CDH12: variants seen among roughly 807,000 people sequenced by gnomAD.
CDH12 encodes the protein cadherin-12.
A neutral mutation model predicts 74.1 loss-of-function variants in CDH12; 41 were observed. That is an observed-to-expected ratio of 0.55 (90% CI 0.43 to 0.72). CDH12 has a LOEUF of 0.72. CDH12 is among the 30% of genes least tolerant of loss of function. The pLI is 0.00. For missense variants in CDH12, 945 were observed against 977.2 expected (o/e 0.97, Z 0.44); for synonymous variants, 399 against 355.0 (o/e 1.12, Z -1.39).
At chr5:22,493,985 G>C (rs1746997520) in intron 2 of CDH12, among the ~76,000 whole-genome samples, 1 of 152,134 alleles carries the variant, frequency 6.6e-6, no homozygotes, top group Non-Finnish European at 1.5e-5. Context: ...GCAGTGTTCA[G>C]GTGATCAGAT....
intron 3 of CDH12, among the ~76,000 whole-genome samples, chr5:22,257,394 TAAGA>T (rs1191005196): frequency 6.6e-6 from 1 of 151,974 alleles, no homozygotes; most frequent in African/African-American, 2.4e-5. Context: ...ATAAGGATAT[TAAGA>T]AAGAAAATAT....
At chr5:21,770,497 G>A (rs796718818) in intron 11 of CDH12, among the ~76,000 whole-genome samples, 9 of 151,778 alleles carry the variant, frequency 5.9e-5, no homozygotes, top group African/African-American at 1.9e-4. Flanking sequence ...GGTGGTGGGC[G>A]CCTGTAATCC....
At chr5:22,474,346 A>G (rs1327252887) in intron 2 of CDH12, among the ~76,000 whole-genome samples, 1 of 152,182 alleles carries the variant, frequency 6.6e-6, no homozygotes, top group Non-Finnish European at 1.5e-5. Context: ...ACATGATGTC[A>G]GGGGAGTCAA....
At chr5:22,529,186 TATAGAGAGAGAGAG>T (rs1372368700) in intron 1 of CDH12, among the ~76,000 whole-genome samples, 107 of 69,562 alleles carry the variant, frequency 1.5e-3, no homozygotes, top group African/African-American at 3.9e-3. Flanking sequence ...TATATATATA[TATAGAGAGAGAGAG>T]AGAGAGAGAG....
rs578252899 is a variant in CDH12, at chr5:22,132,340, G to A, written c.-186-53478C>T. ...AGTTTCGAATAGACCTGCAAACAGG[G>A]GGCCCTTGCTAGGAACTAGGGCAAA... On this transcript the variant is annotated intron_variant, in intron 4 of 14. Transcript: ENST00000382254. 1.3e-5 allele frequency among the ~76,000 whole-genome samples: 2 copies of A among 151,944 alleles called. 1 individual carries two copies. Among genetic ancestry groups the A allele is most frequent in the East Asian group, 3.9e-4 (2 of 5,138 alleles).
chr5:22,374,732 T>C (rs1057150283), intron 3 of CDH12, among the ~76,000 whole-genome samples: 3 of 151,446 alleles, frequency 2.0e-5, no homozygotes, highest in African/African-American at 7.3e-5. Context: ...TTAAAATAGC[T>C]AGGAATAAAT....
chr5:22,572,269 T>C (rs1003269871), intron 1 of CDH12, among the ~76,000 whole-genome samples: 11 of 152,300 alleles, frequency 7.2e-5, no homozygotes, highest in African/African-American at 2.6e-4. Context: ...TAAATTTTCC[T>C]TAAAATTTAA....
intron 6 of CDH12, among the ~76,000 whole-genome samples, 180 bp from the exon 7 acceptor site, chr5:21,854,970 T>C (rs945375603): frequency 2.0e-5 from 3 of 151,736 alleles, no homozygotes; most frequent in Non-Finnish European, 4.4e-5. Context: ...ATGATATAGT[T>C]AGTGCAAATC....
At chr5:22,134,436 A>G (rs1166642314) in intron 4 of CDH12, among the ~76,000 whole-genome samples, 1 of 151,998 alleles carries the variant, frequency 6.6e-6, no homozygotes, top group Non-Finnish European at 1.5e-5. Context: ...TGGGTGATCC[A>G]TCAGGTGAGT....
rs376071832 is a variant in CDH12, at chr5:22,807,840, A to G, written c.-523+45218T>C. ...AGTTCCTGAAGTTGCTCTGGGTGTC[A>G]GGAATGAATGATAAGTAAATGTGAA... On this transcript the variant is annotated intron_variant, in intron 1 of 14. Transcript: ENST00000382254. Among the ~76,000 whole-genome samples the G allele has an allele frequency of 2.0e-5, 3 of 152,340 alleles. No homozygotes were observed. The South Asian group carries it at 6.2e-4, about 32-fold the overall frequency.
At chr5:22,410,141 A>G (rs1743115744) in intron 2 of CDH12, among the ~76,000 whole-genome samples, 1 of 152,066 alleles carries the variant, frequency 6.6e-6, no homozygotes. Flanking sequence ...AAAGCCACAG[A>G]AGCAAAAGTT....
At chr5:22,747,025 T>C (rs1376813709) in intron 1 of CDH12, among the ~76,000 whole-genome samples, 1 of 152,194 alleles carries the variant, frequency 6.6e-6, no homozygotes, top group East Asian at 1.9e-4. Context: ...GAATTTCTCC[T>C]CTGTCTTCCA....
At chr5:22,314,525 C>T (rs913656665) in intron 3 of CDH12, among the ~76,000 whole-genome samples, 3 of 152,076 alleles carry the variant, frequency 2.0e-5, no homozygotes, top group African/African-American at 7.2e-5. Context: ...GATTTGGGTT[C>T]CCAAAACTGT....
chr5:22,443,163 G>A (rs1007150076), intron 2 of CDH12, among the ~76,000 whole-genome samples: 6 of 152,122 alleles, frequency 3.9e-5, no homozygotes, highest in African/African-American at 1.4e-4. Context: ...ATCAAAGTAA[G>A]AGTCTAGATA....
At chr5:22,215,541 C>T (rs897294797) in intron 3 of CDH12, among the ~76,000 whole-genome samples, 3 of 152,048 alleles carry the variant, frequency 2.0e-5, no homozygotes, top group Non-Finnish European at 2.9e-5. Context: ...TTTTAAAAAT[C>T]CCTTCTGCAA....
intron 4 of CDH12, among the ~76,000 whole-genome samples, chr5:22,112,936 A>G (rs1744895564): frequency 2.0e-5 from 3 of 152,164 alleles, no homozygotes; most frequent in Non-Finnish European, 2.9e-5. Flanking sequence ...AGAGATGAGT[A>G]CACCCCATGA....
intron 1 of CDH12, among the ~76,000 whole-genome samples, chr5:22,584,551 TTG>T (rs1449460629): frequency 6.6e-6 from 1 of 152,238 alleles, no homozygotes; most frequent in African/African-American, 2.4e-5. Flanking sequence ...TTGAATTTTT[TTG>T]TGTGTTACAA....
chr5:22,190,854 C>T (rs985380013), intron 4 of CDH12, among the ~76,000 whole-genome samples: 1 of 152,236 alleles, frequency 6.6e-6, no homozygotes, highest in Non-Finnish European at 1.5e-5. Context: ...TCCCTGACTA[C>T]ACACTCCCAC....
chr5:22,837,158 C>T (rs1014898309), intron 1 of CDH12, among the ~76,000 whole-genome samples: 2 of 152,090 alleles, frequency 1.3e-5, no homozygotes, highest in Admixed American at 6.5e-5. Flanking sequence ...GTGGCTTATG[C>T]CTGTAATCCC....
Sources: gnomAD v4.1 joint callset for allele counts (sites outside exome capture counted in the v4.1 genomes callset) on GRCh38, gnomAD v4.1.1 for gene constraint, MANE v1.5 for transcripts, NCBI Gene and HGNC (gene_info 2026-07-23, HGNC 2026-07-21) for gene names.